PIBF1: variants seen among roughly 807,000 people sequenced by gnomAD.
The protein encoded by PIBF1 is progesterone-induced-blocking factor 1.
A neutral mutation model predicts 112.5 loss-of-function variants in PIBF1; 90 were observed. The observed-to-expected ratio is 0.80, with a 90% CI of 0.67 to 0.95. PIBF1 has a LOEUF of 0.95. Among genes scored for constraint, PIBF1 ranks in the 40% least tolerant of loss-of-function variants. The probability of loss-of-function intolerance (pLI) is 0.00; values close to 1 mark genes in which losing one functional copy is unlikely to be tolerated. For synonymous variants in PIBF1, 301 were observed against 288.6 expected, an observed-to-expected ratio of 1.04 and a Z score of -0.44; for missense variants, 915 against 852.3, an observed-to-expected ratio of 1.07 and a Z score of -0.92.
At chr13:72,971,233 A>G (rs1375185985) in intron 15 of PIBF1, among the ~76,000 whole-genome samples, 3 of 148,616 alleles carry the variant, frequency 2.0e-5, no homozygotes, top group African/African-American at 7.5e-5. Flanking sequence ...TATGCACTGA[A>G]TGTGAGTATA....
intron 17 of PIBF1, among the ~76,000 whole-genome samples, chr13:73,005,740 A>G (rs940564141): frequency 2.0e-5 from 3 of 152,058 alleles, no homozygotes; most frequent in African/African-American, 7.2e-5. Flanking sequence ...GTGCCTCCCA[A>G]CATTTTTTAT....
chr13:72,865,187 A>T (rs1246173541), intron 10 of PIBF1, among the ~76,000 whole-genome samples: 1 of 152,204 alleles, frequency 6.6e-6, no homozygotes, highest in Non-Finnish European at 1.5e-5. Context: ...TGTATCCTAG[A>T]TAATAATAAA....
Position 72,845,853 on chromosome 13 carries a change from T to G in PIBF1, c.1224-8204T>G, listed in dbSNP as rs1248064469. 2.0e-5 allele frequency among the ~76,000 whole-genome samples: 3 copies of G among 152,158 alleles called. No individual in the cohort carries two copies. In the South Asian group the frequency reaches 6.2e-4, roughly 32 times the overall value. ...TATCAAGCCTTTGGCACCCCCATAC[T>G]ACTCCAACAAAGATGTTTTTATACC... On this transcript the variant is annotated intron_variant, in intron 9 of 17. Transcript: ENST00000326291.
intron 10 of PIBF1, among the ~76,000 whole-genome samples, chr13:72,892,544 T>A (rs1302672749): frequency 1.3e-5 from 2 of 152,170 alleles, no homozygotes; most frequent in Non-Finnish European, 2.9e-5. Flanking sequence ...ACTATCGCTG[T>A]GAAGTCTAAT....
chr13:72,849,350 G>A (rs1233347701), intron 9 of PIBF1, among the ~76,000 whole-genome samples: 3 of 152,110 alleles, frequency 2.0e-5, no homozygotes, highest in Admixed American at 6.6e-5. Context: ...CTTGAGCTTC[G>A]TTAGCTTGTA....
chr13:72,859,610 A>G (rs554443630), intron 10 of PIBF1, among the ~76,000 whole-genome samples: 8 of 152,314 alleles, frequency 5.3e-5, no homozygotes, highest in African/African-American at 1.7e-4. Context: ...CTTTTCAGGC[A>G]GAAGTAATTA....
At chr13:72,811,553 G>A (rs1348913777) in intron 5 of PIBF1, among the ~76,000 whole-genome samples, 3 of 148,150 alleles carry the variant, frequency 2.0e-5, no homozygotes, top group Non-Finnish European at 4.4e-5. Flanking sequence ...CGGAGATCGC[G>A]CCGTTGCTCT....
intron 11 of PIBF1, among the ~76,000 whole-genome samples, chr13:72,895,330 TAATATA>T (rs2040239872): frequency 6.7e-6 from 1 of 149,216 alleles, no homozygotes; most frequent in Admixed American, 6.7e-5. Flanking sequence ...ATATTTAAAA[TAATATA>T]TATAATATTA....
chr13:72,987,631 G>C (rs1594321981), intron 16 of PIBF1, among the ~76,000 whole-genome samples: 2 of 149,702 alleles, frequency 1.3e-5, no homozygotes, highest in African/African-American at 4.9e-5. Flanking sequence ...ATTTTCTTGA[G>C]CCTTCTTTTT....
chr13:72,903,063 T>C (rs2040562259), intron 11 of PIBF1, among the ~76,000 whole-genome samples: 1 of 151,698 alleles, frequency 6.6e-6, no homozygotes, highest in South Asian at 2.1e-4. Context: ...GCCCAGCTAA[T>C]GTTTTTATGT....
intron 14 of PIBF1, among the ~76,000 whole-genome samples, chr13:72,936,492 G>A (rs2041874451): frequency 6.6e-6 from 1 of 152,128 alleles, no homozygotes; most frequent in Non-Finnish European, 1.5e-5. Flanking sequence ...ATAGTTTTAG[G>A]TCTGTGATTC....
At chr13:72,867,944 A>T (rs915886059) in intron 10 of PIBF1, among the ~76,000 whole-genome samples, 2 of 152,318 alleles carry the variant, frequency 1.3e-5, no homozygotes, top group African/African-American at 4.8e-5. Context: ...GCATGTAATG[A>T]TGCCTATGGT....
At chr13:72,909,483 GTCTTT>G (rs957194238) in intron 12 of PIBF1, among the ~76,000 whole-genome samples, 7 of 151,380 alleles carry the variant, frequency 4.6e-5, no homozygotes, top group African/African-American at 1.5e-4. Context: ...ACTGCAATTA[GTCTTT>G]TCTTTTTTCT....
chr13:73,011,250 C>A (rs1011346901), intron 17 of PIBF1, among the ~76,000 whole-genome samples: 5 of 152,128 alleles, frequency 3.3e-5, no homozygotes, highest in African/African-American at 7.2e-5. Flanking sequence ...GGATGGGAAC[C>A]AGTGCTGGGG....
chr13:72,935,004 G>A lies in PIBF1; in HGVS notation c.1833+3737G>A, dbSNP rs550370715. ...CTGTTTGTTTGTTTGTTTGTTTATT[G>A]AGACAGAGCCTCACTCTGTTGCCCA... On this transcript the variant is annotated intron_variant, in intron 14 of 17. Coordinates refer to ENST00000326291, the MANE Select transcript of PIBF1 (RefSeq NM_006346.4). 2.2e-4 allele frequency among the ~76,000 whole-genome samples: 33 copies of A among 152,136 alleles called. No individual in the cohort carries two copies. In the East Asian group the frequency reaches 6.4e-3, roughly 30 times the overall value.
chr13:72,866,008 G>A (rs2038909821), intron 10 of PIBF1, among the ~76,000 whole-genome samples: 1 of 152,168 alleles, frequency 6.6e-6, no homozygotes, highest in Non-Finnish European at 1.5e-5. Flanking sequence ...TGGCTTTACT[G>A]TCTCCTAAGG....
At chr13:72,893,070 CATA>C (rs2040122274) in intron 10 of PIBF1, among the ~76,000 whole-genome samples, 1 of 152,128 alleles carries the variant, frequency 6.6e-6, no homozygotes, top group Admixed American at 6.6e-5. Context: ...ATACTTGGTT[CATA>C]ATAACTCCCT....
At chr13:72,840,291 TAAAG>T (rs947672615) in intron 9 of PIBF1, among the ~76,000 whole-genome samples, 5 of 152,178 alleles carry the variant, frequency 3.3e-5, no homozygotes, top group Non-Finnish European at 5.9e-5. Flanking sequence ...TTAAAATGGC[TAAAG>T]AAAGAATTTT....
chr13:72,864,346 T>G (rs1447714679), intron 10 of PIBF1, among the ~76,000 whole-genome samples: 1 of 152,216 alleles, frequency 6.6e-6, no homozygotes, highest in Non-Finnish European at 1.5e-5. Context: ...AATACAAATA[T>G]GTAAGTGTTA....
Sources: gnomAD v4.1 joint callset for allele counts (sites outside exome capture counted in the v4.1 genomes callset) on GRCh38, gnomAD v4.1.1 for gene constraint, MANE v1.5 for transcripts, NCBI Gene and HGNC (gene_info 2026-07-23, HGNC 2026-07-21) for gene names.